BTF3: variants seen among roughly 807,000 people sequenced by gnomAD.
The protein encoded by BTF3 is transcription factor BTF3.
Under a neutral mutation model 23.9 loss-of-function variants are expected in BTF3, and 12 were observed. That is an observed-to-expected ratio of 0.50 (90% CI 0.32 to 0.81). The LOEUF (loss-of-function observed/expected upper bound fraction) is 0.81. BTF3 is among the 40% of genes least tolerant of loss of function. The pLI is 0.03. For synonymous variants in BTF3, 96 were observed against 94.8 expected (o/e 1.01, Z -0.07); for missense variants, 215 against 255.9 (o/e 0.84, Z 1.09).
rs1265208022 is a variant in BTF3, at chr5:73,502,659, T to G, written c.315+58T>G. 7 of 1,269,498 alleles carry G rather than the reference T, an allele frequency of 5.5e-6. No homozygotes were observed. In the East Asian group the frequency reaches 1.7e-4, roughly 32 times the overall value. 78.6% of individuals were successfully genotyped at this position (1,269,498 alleles called of 1,614,324 possible). ...AGATTTGGCTGGGAAAAGTTAACGT[T>G]AATGCATTAAATGGGTTGTTTTTTT... On this transcript the variant is annotated intron_variant, in intron 3 of 5. Transcript: ENST00000380591.
intron 4 of BTF3, 67 bp from the exon 5 acceptor site, chr5:73,504,267 CTTTTTTTTTTTTT>C (rs34051700): frequency 3.3e-4 from 41 of 125,354 alleles, no homozygotes; most frequent in African/African-American, 8.7e-4. Context: ...TTCATCTGTT[CTTTTTTTTTTTTT>C]TTTTTTTTTT....
chr5:73,502,273 T>TA (rs1254750694), intron 2 of BTF3, among the ~76,000 whole-genome samples: 5 of 152,160 alleles, frequency 3.3e-5, no homozygotes, highest in African/African-American at 9.7e-5. Flanking sequence ...AGAGCAAATG[T>TA]AAAAAGTAGA....
Position 73,498,754 on chromosome 5 carries a change from G to A in BTF3, c.87G>A (p.Leu29=), listed in dbSNP as rs1746344539. 1 of 1,499,986 alleles carries A rather than the reference G, an allele frequency of 6.7e-7. No individual in the cohort carries two copies. The highest frequency in any genetic ancestry group is 8.8e-7 in the Non-Finnish European group (1 of 1,134,764). The allele number at this position is 1,499,986 out of a possible 1,614,324, so 92.9% of individuals were successfully genotyped here. Residue 29 remains leucine (L), a synonymous_variant, in exon 1 of 6, where the codon CTG becomes CTA. Coordinates refer to ENST00000380591, the MANE Select transcript of BTF3 (RefSeq NM_001037637.2). The part of the protein sequence containing the change: ...RGGCPGGEAT[L]SQPPPRGGTR... ...GCTGCCCTGGGGGCGAGGCGACGCTGTCTCAACCTCCACCTCGCGGCGGAA... is the reference window on the plus strand; with the variant it reads ...GCTGCCCTGGGGGCGAGGCGACGCTATCTCAACCTCCACCTCGCGGCGGAA...
chr5:73,504,311 ACCT>A, intron 4 of BTF3, 33 bp from the exon 5 acceptor site: 1 of 1,234,492 alleles, frequency 8.1e-7, no homozygotes, highest in Non-Finnish European at 1.1e-6. Context: ...TTTATTAAAA[ACCT>A]AGACAAATAA....
intron 2 of BTF3, among the ~76,000 whole-genome samples, chr5:73,501,491 G>A (rs1290681467): frequency 6.6e-6 from 1 of 152,208 alleles, no homozygotes; most frequent in East Asian, 1.9e-4. Context: ...GAGTGTGGAA[G>A]TTGCTATTTT....
At chr5:73,501,807 TTTGA>T (rs1460838741) in intron 2 of BTF3, among the ~76,000 whole-genome samples, 2 of 152,150 alleles carry the variant, frequency 1.3e-5, no homozygotes, top group South Asian at 2.1e-4. Flanking sequence ...TACAGATTCA[TTTGA>T]TTGTTCCATA....
chr5:73,499,396 C>G, intron 2 of BTF3, 194 bp downstream of exon 2: 1 of 689,956 alleles, frequency 1.4e-6, no homozygotes. Context: ...CTAAAAACAT[C>G]GCCTTTGTGT....
intron 1 of BTF3, 73 bp downstream of exon 1, chr5:73,498,872 G>T: frequency 6.7e-7 from 1 of 1,486,702 alleles, no homozygotes; most frequent in Non-Finnish European, 8.8e-7. Context: ...CAGGGCCAGG[G>T]GTGGGGGGTG....
chr5:73,504,353 A>G lies in BTF3; in HGVS notation c.524A>G (p.Asp175Gly). 8 of 1,483,256 alleles carry G rather than the reference A, an allele frequency of 5.4e-6. No individual in the cohort carries two copies. The highest frequency in any genetic ancestry group is 7.2e-6 in the Non-Finnish European group (8 of 1,110,716). The allele number at this position is 1,483,256 out of a possible 1,614,324, so 91.9% of individuals were successfully genotyped here. A position where few individuals can be genotyped will look rare whatever the true frequency, so the allele number is the denominator to read the frequency against. ...LAEALPKQSV[D>G]GKAPLATGED... ...TTACATTTTCCTTTCATAGCTGTGG[A>G]TGGAAAAGCACCACTTGCTACTGGA... is the stretch of plus-strand genomic sequence containing the variant. The change falls in exon 5 of 6, where the codon GAT becomes GGT. Residue 175 changes from aspartate (D) to glycine (G), a missense_variant. Asp to Gly is a moderately conservative substitution (Grantham distance 94, BLOSUM62 -1). Transcript: ENST00000380591.
intron 1 of BTF3, 108 bp from the exon 2 acceptor site, chr5:73,499,026 C>T: frequency 7.5e-7 from 1 of 1,325,006 alleles, no homozygotes; most frequent in Non-Finnish European, 1.0e-6. Flanking sequence ...ATCCAGGTTT[C>T]GGCCTGTGTA....
intron 2 of BTF3, 47 bp downstream of exon 2, chr5:73,499,249 G>A: frequency 1.3e-6 from 2 of 1,580,726 alleles, no homozygotes; most frequent in Non-Finnish European, 1.7e-6. Context: ...TTAAGGTTTA[G>A]GTATTTTAAA....
chr5:73,501,005 G>T (rs116712211), intron 2 of BTF3, among the ~76,000 whole-genome samples: 2,885 of 151,614 alleles, frequency 0.019, 83 homozygotes, highest in African/African-American at 0.066. Context: ...TACTATGTTG[G>T]ATCCTGAGAA....
rs1426667460 is a variant in BTF3, at chr5:73,504,924, A to G, written c.575-268A>G. 8.3e-6 allele frequency: 3 copies of G among 360,302 alleles called. No individual in the cohort carries two copies. The Admixed American group carries it at 1.4e-4, about 17-fold the overall frequency. The allele number at this position is 360,302 out of a possible 1,614,324, so 22.3% of individuals were successfully genotyped here. On this transcript the variant is annotated intron_variant, in intron 5 of 5. Transcript: ENST00000380591. ...ATAAATATTCCCACTTTGCATAGAC[A>G]GGTATCCTTAGGAATCCAGGAAAAT... is the stretch of plus-strand genomic sequence containing the variant.
chr5:73,502,137 C>T (rs927281907), intron 2 of BTF3, among the ~76,000 whole-genome samples: 5 of 133,034 alleles, frequency 3.8e-5, no homozygotes, highest in African/African-American at 1.2e-4. Flanking sequence ...CCAGCCTGGA[C>T]GACACAGTGA....
At chr5:73,501,346 G>A (rs534145969) in intron 2 of BTF3, among the ~76,000 whole-genome samples, 1 of 152,290 alleles carries the variant, frequency 6.6e-6, no homozygotes, top group South Asian at 2.1e-4. Flanking sequence ...TAGATACTGG[G>A]TTTATAGCAA....
Position 73,499,325 on chromosome 5 carries a change from G to T in BTF3, c.201+123G>T, listed in dbSNP as rs112073100. 7.1e-5 allele frequency: 75 copies of T among 1,061,498 alleles called. No individual in the cohort carries two copies. The African/African-American group carries it at 1.2e-3, about 16-fold the overall frequency. The allele number at this position is 1,061,498 out of a possible 1,614,324, so 65.8% of individuals were successfully genotyped here. A position where few individuals can be genotyped will look rare whatever the true frequency, so the allele number is the denominator to read the frequency against. The stretch of plus-strand genomic sequence containing the variant: ...ACTTTGCCTATCGAGGGAAATTCAC[G>T]GAGCTAGCAAATCTCGAGGAGCGGG... On this transcript the variant is annotated intron_variant, in intron 2 of 5. Transcript: ENST00000380591.
At chr5:73,500,524 ACAT>A (rs1746410609) in intron 2 of BTF3, among the ~76,000 whole-genome samples, 1 of 152,212 alleles carries the variant, frequency 6.6e-6, no homozygotes, top group Non-Finnish European at 1.5e-5. Flanking sequence ...TTGTGTCCTA[ACAT>A]CTTAATACTC....
chr5:73,498,480 C>G lies in BTF3; in HGVS notation c.-188C>G. On this transcript the variant is annotated 5_prime_UTR_variant, in exon 1 of 6. Transcript: ENST00000380591. ...ATCTTGCGTCCCCGCGTGTGTGCGC[C>G]TAATCTCAGGTGGTCCACCCGAGAC... is the stretch of plus-strand genomic sequence containing the variant. The G allele has an allele frequency of 2.7e-6, 2 of 736,560 alleles. No homozygotes were observed. The highest frequency in any genetic ancestry group is 3.9e-6 in the Non-Finnish European group (2 of 510,846). 45.6% of individuals were successfully genotyped at this position (736,560 alleles called of 1,614,324 possible).
rs1485718399 is a variant in BTF3, at chr5:73,498,482, A to G, written c.-186A>G. 4 of 744,702 alleles carry G rather than the reference A, an allele frequency of 5.4e-6. No individual in the cohort carries two copies. Among genetic ancestry groups the G allele is most frequent in the South Asian group, 3.1e-5 (1 of 31,870 alleles). The allele number at this position is 744,702 out of a possible 1,614,324, so 46.1% of individuals were successfully genotyped here. A position where few individuals can be genotyped will look rare whatever the true frequency, so the allele number is the denominator to read the frequency against. On this transcript the variant is annotated 5_prime_UTR_variant, in exon 1 of 6. Coordinates refer to ENST00000380591, the MANE Select transcript of BTF3 (RefSeq NM_001037637.2). ...CTTGCGTCCCCGCGTGTGTGCGCCT[A>G]ATCTCAGGTGGTCCACCCGAGACCC...
Sources: allele counts gnomAD v4.1 joint callset (sites outside exome capture counted in the v4.1 genomes callset), GRCh38; gene constraint gnomAD v4.1.1; transcripts MANE v1.5; gene names NCBI Gene and HGNC (gene_info 2026-07-23, HGNC 2026-07-21).